PDSS2: variants seen among roughly 807,000 people sequenced by gnomAD.
The protein encoded by PDSS2 is all trans-polyprenyl-diphosphate synthase PDSS2.
A neutral mutation model predicts 44.5 loss-of-function variants in PDSS2; 31 were observed. The ratio of observed to expected loss-of-function variants is 0.70; its 90% confidence interval spans 0.52 to 0.94. The LOEUF (loss-of-function observed/expected upper bound fraction) is 0.94, where lower values mean the gene tolerates loss of function less well. PDSS2 is among the 40% of genes least tolerant of loss of function. The pLI is 0.00. For synonymous variants in PDSS2, 157 were observed against 180.3 expected, an observed-to-expected ratio of 0.87 and a Z score of 1.03; for missense variants, 452 against 482.2, an observed-to-expected ratio of 0.94 and a Z score of 0.59.
intron 6 of PDSS2, among the ~76,000 whole-genome samples, chr6:107,197,121 GT>G (rs1397633143): frequency 3.3e-5 from 5 of 152,104 alleles, no homozygotes; most frequent in African/African-American, 1.2e-4. Flanking sequence ...GAAAGTAAGT[GT>G]TTCCCTGAGT....
At chr6:107,199,575 C>T (rs1055981097) in intron 6 of PDSS2, among the ~76,000 whole-genome samples, 1 of 152,236 alleles carries the variant, frequency 6.6e-6, no homozygotes, top group Non-Finnish European at 1.5e-5. Context: ...GCTGGGATTA[C>T]AGGCATGGGC....
chr6:107,241,245 TA>T (rs35226308), intron 4 of PDSS2, among the ~76,000 whole-genome samples: 45,599 of 98,070 alleles, frequency 0.46, 9,269 homozygotes, highest in African/African-American at 0.54. Context: ...CGAGACTCGG[TA>T]AAAAAAAAAA....
At chr6:107,250,111 G>C (rs1003867691) in intron 3 of PDSS2, among the ~76,000 whole-genome samples, 9 of 151,856 alleles carry the variant, frequency 5.9e-5, no homozygotes, top group African/African-American at 1.9e-4. Context: ...TATGCCCTGA[G>C]CTATAATAAA....
chr6:107,338,588 T>C (rs928341546), intron 1 of PDSS2, among the ~76,000 whole-genome samples: 5 of 152,184 alleles, frequency 3.3e-5, no homozygotes, highest in Admixed American at 6.5e-5. Flanking sequence ...TGGCAGCATG[T>C]AGAAGAAGCA....
At chr6:107,271,074 G>A (rs73509183) in intron 3 of PDSS2, among the ~76,000 whole-genome samples, 3,581 of 152,212 alleles carry the variant, frequency 0.024, 147 homozygotes, top group African/African-American at 0.082. Context: ...TTGCAGAGTC[G>A]TATGCATATA....
intron 2 of PDSS2, among the ~76,000 whole-genome samples, chr6:107,324,460 A>C (rs1294445447): frequency 6.6e-6 from 1 of 152,166 alleles, no homozygotes; most frequent in Non-Finnish European, 1.5e-5. Context: ...TTATTGCTTT[A>C]CAAGTATGAA....
chr6:107,203,103 G>C (rs1175387425), intron 6 of PDSS2, among the ~76,000 whole-genome samples: 1 of 152,200 alleles, frequency 6.6e-6, no homozygotes, highest in Non-Finnish European at 1.5e-5. Context: ...CAGGCTAATA[G>C]TAGAATTTAG....
chr6:107,440,749 G>C (rs1481260220), intron 1 of PDSS2, among the ~76,000 whole-genome samples: 1 of 152,202 alleles, frequency 6.6e-6, no homozygotes, highest in Non-Finnish European at 1.5e-5. Flanking sequence ...CCGCTACAAA[G>C]AGAGTATCTG....
chr6:107,208,411 C>G (rs62428038), intron 6 of PDSS2, among the ~76,000 whole-genome samples: 35,515 of 149,832 alleles, frequency 0.24, 5,105 homozygotes, highest in East Asian at 0.49. Flanking sequence ...ATTCTTGTGC[C>G]TCAGCCACCT....
intron 3 of PDSS2, among the ~76,000 whole-genome samples, chr6:107,265,669 C>T (rs945882978): frequency 5.9e-5 from 9 of 152,150 alleles, no homozygotes; most frequent in Admixed American, 3.9e-4. Context: ...TGGCCAGGTG[C>T]GGTGGCTCAC....
chr6:107,228,087 C>T (rs1773895899), intron 4 of PDSS2, among the ~76,000 whole-genome samples: 1 of 152,154 alleles, frequency 6.6e-6, no homozygotes, highest in South Asian at 2.1e-4. Context: ...GGCAAATAAA[C>T]TGCCTTTTAA....
chr6:107,182,325 G>GTATT (rs1395477585), intron 7 of PDSS2, among the ~76,000 whole-genome samples: 11 of 152,144 alleles, frequency 7.2e-5, no homozygotes, highest in Admixed American at 5.2e-4. Context: ...TTTTATTTAT[G>GTATT]TATTTATTTA....
Position 107,333,818 on chromosome 6 carries a change from G to A in PDSS2, c.431+380C>T, listed in dbSNP as rs117507490. Among the ~76,000 whole-genome samples the A allele has an allele frequency of 1.4e-4, 21 of 152,218 alleles. No individual in the cohort carries two copies. The East Asian group carries it at 4.1e-3, about 29-fold the overall frequency. ...CCTAAAGTGCTAGAATTACAGGTGT[G>A]AGCCACTGTGCCCGGCCAACAAGGT... On this transcript the variant is annotated intron_variant, in intron 2 of 7. Transcript: ENST00000369037.
chr6:107,247,325 G>A (rs1774654711), intron 3 of PDSS2, among the ~76,000 whole-genome samples: 1 of 152,206 alleles, frequency 6.6e-6, no homozygotes, highest in South Asian at 2.1e-4. Flanking sequence ...TTTAACAGTG[G>A]ATCTGGCTCT....
At chr6:107,391,440 T>C (rs1302397256) in intron 1 of PDSS2, among the ~76,000 whole-genome samples, 2 of 152,042 alleles carry the variant, frequency 1.3e-5, no homozygotes, top group African/African-American at 4.8e-5. Context: ...ACTAATAACA[T>C]CCTTAGAGAG....
intron 3 of PDSS2, among the ~76,000 whole-genome samples, chr6:107,246,994 T>G (rs181027171): frequency 9.8e-5 from 15 of 152,312 alleles, no homozygotes; most frequent in Non-Finnish European, 2.1e-4. Flanking sequence ...GTTATTTAAG[T>G]GGGGAAGAGA....
At chr6:107,320,414 A>C (rs981161784) in intron 2 of PDSS2, among the ~76,000 whole-genome samples, 1 of 152,204 alleles carries the variant, frequency 6.6e-6, no homozygotes, top group Admixed American at 6.5e-5. Context: ...GTTGTCTCTA[A>C]TGAGTATGAA....
chr6:107,208,667 T>C (rs1409547732), intron 6 of PDSS2, among the ~76,000 whole-genome samples: 5 of 149,680 alleles, frequency 3.3e-5, no homozygotes, highest in Non-Finnish European at 1.5e-5. Context: ...TAGAGTGCAA[T>C]GGCGCAATCT....
Position 107,442,736 on chromosome 6 carries a change from ATT to A in PDSS2, c.296+16252_296+16253del, listed in dbSNP as rs549766327. Among the ~76,000 whole-genome samples the A allele has an allele frequency of 9.9e-3, 1,511 of 152,216 alleles. 16 individuals carry two copies. The highest frequency in any genetic ancestry group is 0.016 in the Non-Finnish European group (1,063 of 67,992). ...CTCAACATACTCAATTGCTCAGCTT[ATT>A]CTTCTTCTGTTCTTTCACTCTCACA... On this transcript the variant is annotated intron_variant, in intron 1 of 7. Coordinates refer to ENST00000369037, the MANE Select transcript of PDSS2 (RefSeq NM_020381.4).
Sources: allele counts gnomAD v4.1 joint callset (sites outside exome capture counted in the v4.1 genomes callset), GRCh38; gene constraint gnomAD v4.1.1; transcripts MANE v1.5; gene names NCBI Gene and HGNC (gene_info 2026-07-23, HGNC 2026-07-21).